ARHGAP10: variants seen among roughly 807,000 people sequenced by gnomAD.
ARHGAP10 encodes rho GTPase-activating protein 10.
A neutral mutation model predicts 108.6 loss-of-function variants in ARHGAP10; 87 were observed. The observed-to-expected ratio is 0.80, with a 90% CI of 0.67 to 0.96. The LOEUF (loss-of-function observed/expected upper bound fraction) is 0.96. Among genes scored for constraint, ARHGAP10 ranks in the 40% least tolerant of loss-of-function variants. The pLI, the probability that ARHGAP10 is intolerant of heterozygous loss-of-function variation, is 0.00. For missense variants in ARHGAP10, 939 were observed against 954.5 expected (o/e 0.98, Z 0.21); for synonymous variants, 347 against 341.1 (o/e 1.02, Z -0.19).
At chr4:147,733,594 C>T (rs1055813446) in intron 1 of ARHGAP10, among the ~76,000 whole-genome samples, 1 of 152,192 alleles carries the variant, frequency 6.6e-6, no homozygotes, top group African/African-American at 2.4e-5. Context: ...TGGGGAAAAT[C>T]CCCCATCTCA....
chr4:147,798,149 T>C (rs1005281880), intron 1 of ARHGAP10, among the ~76,000 whole-genome samples: 6 of 151,044 alleles, frequency 4.0e-5, no homozygotes, highest in African/African-American at 7.4e-5. Context: ...TTTTTTTTTT[T>C]CGTAAGGGAT....
chr4:147,850,752 C>T (rs1367865889), intron 4 of ARHGAP10, among the ~76,000 whole-genome samples: 1 of 152,214 alleles, frequency 6.6e-6, no homozygotes, highest in Non-Finnish European at 1.5e-5. Context: ...CACAACAGGA[C>T]ACAGGTTGTT....
intron 1 of ARHGAP10, among the ~76,000 whole-genome samples, chr4:147,797,998 T>G (rs1731386871): frequency 6.6e-6 from 1 of 152,232 alleles, no homozygotes; most frequent in African/African-American, 2.4e-5. Context: ...CATTTCTGAT[T>G]AGATCGAGGA....
rs372240163 is a variant in ARHGAP10, at chr4:148,023,356, G to A, written c.1810G>A (p.Gly604Ser). Residue 604 changes from glycine to serine, a missense_variant, in exon 19 of 23, where the codon GGC (glycine) becomes AGC (serine). Transcript: ENST00000336498. ...NAPPRQSKRQGQRTKRPVAVY... is the reference protein window; with the variant it reads ...NAPPRQSKRQSQRTKRPVAVY... ...GCCACCAAGGCAGTCGAAGAGACAA[G>A]GCCAGAGAACCAAGAGGCCCGTGGC... The A allele has an allele frequency of 9.3e-6, 15 of 1,614,088 alleles. No individual in the cohort carries two copies. In the African/African-American group the frequency reaches 1.9e-4, roughly 20 times the overall value.
intron 10 of ARHGAP10, among the ~76,000 whole-genome samples, chr4:147,897,940 GC>G (rs1462853232): frequency 6.6e-6 from 1 of 152,020 alleles, no homozygotes; most frequent in Non-Finnish European, 1.5e-5. Context: ...TGCTAGCTCT[GC>G]CTCCTGGGTT....
intron 1 of ARHGAP10, among the ~76,000 whole-genome samples, chr4:147,821,067 G>T (rs1475710270): frequency 2.6e-5 from 4 of 152,186 alleles, no homozygotes; most frequent in Non-Finnish European, 5.9e-5. Context: ...TGGCTGGCTG[G>T]CTGGCTGGTG....
intron 20 of ARHGAP10, among the ~76,000 whole-genome samples, chr4:148,057,498 GA>G (rs1729415066): frequency 6.6e-6 from 1 of 152,218 alleles, no homozygotes; most frequent in Admixed American, 6.5e-5. Context: ...ATGTCATGTG[GA>G]ATAATAGGGT....
At chr4:147,890,637 G>A (rs1735762957) in intron 10 of ARHGAP10, among the ~76,000 whole-genome samples, 1 of 152,184 alleles carries the variant, frequency 6.6e-6, no homozygotes, top group South Asian at 2.1e-4. Context: ...AACTAGCCTG[G>A]CCAACCTGGT....
chr4:147,758,725 T>G (rs759425453), intron 1 of ARHGAP10, among the ~76,000 whole-genome samples: 15 of 151,990 alleles, frequency 9.9e-5, no homozygotes, highest in Non-Finnish European at 1.9e-4. Flanking sequence ...AGGCCTGTGA[T>G]CCCAGCACTT....
intron 10 of ARHGAP10, among the ~76,000 whole-genome samples, chr4:147,893,451 T>C (rs1386543675): frequency 6.8e-6 from 1 of 147,264 alleles, no homozygotes; most frequent in Non-Finnish European, 1.5e-5. Flanking sequence ...ATATTATTAT[T>C]CTCTCTATAT....
At chr4:147,749,866 C>G (rs559072506) in intron 1 of ARHGAP10, among the ~76,000 whole-genome samples, 1 of 152,296 alleles carries the variant, frequency 6.6e-6, no homozygotes, top group East Asian at 1.9e-4. Flanking sequence ...TTGATACTGT[C>G]TAAAAGGCTT....
intron 13 of ARHGAP10, among the ~76,000 whole-genome samples, chr4:147,925,046 T>C (rs1737409156): frequency 6.6e-6 from 1 of 152,220 alleles, no homozygotes; most frequent in Non-Finnish European, 1.5e-5. Flanking sequence ...TAATTTTATA[T>C]GGCTCTTAGA....
intron 7 of ARHGAP10, among the ~76,000 whole-genome samples, chr4:147,872,272 C>G (rs1734856888): frequency 6.6e-6 from 1 of 151,868 alleles, no homozygotes; most frequent in African/African-American, 2.4e-5. Context: ...TTATGCTGAG[C>G]AGAGATGTTA....
chr4:148,033,494 A>T (rs910248788), intron 19 of ARHGAP10, among the ~76,000 whole-genome samples: 1 of 152,248 alleles, frequency 6.6e-6, no homozygotes, highest in Non-Finnish European at 1.5e-5. Context: ...ATAATCAGTT[A>T]TAACAATGGT....
chr4:147,769,289 A>C (rs1364757704), intron 1 of ARHGAP10, among the ~76,000 whole-genome samples: 1 of 152,198 alleles, frequency 6.6e-6, no homozygotes, highest in Non-Finnish European at 1.5e-5. Context: ...GTAATTAGGG[A>C]AATTACTCAG....
At chr4:147,819,230 A>G (rs1478216336) in intron 1 of ARHGAP10, among the ~76,000 whole-genome samples, 1 of 152,226 alleles carries the variant, frequency 6.6e-6, no homozygotes, top group African/African-American at 2.4e-5. Context: ...CCTTTGATCT[A>G]GTGATTTTGG....
At chr4:147,951,391 G>A (rs1353449530) in intron 15 of ARHGAP10, among the ~76,000 whole-genome samples, 1 of 131,128 alleles carries the variant, frequency 7.6e-6, no homozygotes, top group Non-Finnish European at 1.6e-5. Context: ...TATTTAGGCT[G>A]TGGTATAGTT....
chr4:147,955,514 T>C, intron 16 of ARHGAP10, 140 bp downstream of exon 16: 1 of 684,624 alleles, frequency 1.5e-6, no homozygotes, highest in Non-Finnish European at 2.5e-6. Context: ...GTTTGGTGCC[T>C]CCCCTCATCC....
intron 1 of ARHGAP10, among the ~76,000 whole-genome samples, chr4:147,814,953 C>T (rs1419447202): frequency 1.3e-5 from 2 of 152,154 alleles, no homozygotes; most frequent in African/African-American, 4.8e-5. Flanking sequence ...GGAACCACCA[C>T]CCTACTAATT....
Sources: gnomAD v4.1 joint callset for allele counts (sites outside exome capture counted in the v4.1 genomes callset) on GRCh38, gnomAD v4.1.1 for gene constraint, MANE v1.5 for transcripts, NCBI Gene and HGNC (gene_info 2026-07-23, HGNC 2026-07-21) for gene names.